The following SLC24A2 variants were observed in gnomAD, a reference collection of about 807,000 sequenced individuals.
SLC24A2 encodes the protein sodium/potassium/calcium exchanger 2.
In SLC24A2, 36 loss-of-function variants were observed where a neutral mutation model predicts 62.0. That is an observed-to-expected ratio of 0.58 (90% CI 0.44 to 0.77). SLC24A2 has a LOEUF of 0.77. SLC24A2 is among the 30% of genes least tolerant of loss of function. SLC24A2 has a pLI of 0.00. For missense variants in SLC24A2, 846 were observed against 817.9 expected, an observed-to-expected ratio of 1.03 and a Z score of -0.42; for synonymous variants, 358 against 294.0, an observed-to-expected ratio of 1.22 and a Z score of -2.23.
chr9:19,873,902 A>G, the SLC24A2 span, among the ~76,000 whole-genome samples: 1 of 152,132 alleles, frequency 6.6e-6, no homozygotes, highest in African/African-American at 2.4e-5. Flanking sequence ...TAAAAACAAC[A>G]CTTATTGGCT....
At chr9:19,824,258 T>G in the SLC24A2 span, among the ~76,000 whole-genome samples, 1 of 152,046 alleles carries the variant, frequency 6.6e-6, no homozygotes, top group Non-Finnish European at 1.5e-5. Flanking sequence ...GGGAGAAAAT[T>G]GTTGCAATCT....
the SLC24A2 span, among the ~76,000 whole-genome samples, chr9:20,298,453 T>C: frequency 6.6e-6 from 1 of 152,218 alleles, no homozygotes; most frequent in Non-Finnish European, 1.5e-5. Context: ...GGTCTTGAAC[T>C]CCTGACCTCA....
the SLC24A2 span, among the ~76,000 whole-genome samples, chr9:19,995,428 A>G: frequency 6.6e-6 from 1 of 152,092 alleles, no homozygotes; most frequent in Non-Finnish European, 1.5e-5. Flanking sequence ...ACAGAACTTT[A>G]TTCCCAGAGT....
At chr9:20,019,024 C>G in the SLC24A2 span, among the ~76,000 whole-genome samples, 1 of 149,372 alleles carries the variant, frequency 6.7e-6, no homozygotes, top group Non-Finnish European at 1.5e-5. Flanking sequence ...GATTATGCCA[C>G]AACACTCCTA....
At chr9:20,026,307 A>G in the SLC24A2 span, among the ~76,000 whole-genome samples, 80 of 152,364 alleles carry the variant, frequency 5.3e-4, no homozygotes, top group Admixed American at 3.9e-3. Context: ...GTTCCAGCCT[A>G]CAGGCCAGAT....
chr9:19,754,549 T>C (rs189764494), intron 2 of SLC24A2, among the ~76,000 whole-genome samples: 1 of 152,270 alleles, frequency 6.6e-6, no homozygotes, highest in African/African-American at 2.4e-5. Context: ...AGGGTTTATT[T>C]AGGTTCAGCC....
the SLC24A2 span, among the ~76,000 whole-genome samples, chr9:19,915,329 A>G: frequency 6.6e-6 from 1 of 152,220 alleles, no homozygotes; most frequent in South Asian, 2.1e-4. Context: ...TTATCCATTC[A>G]TCAATTGATA....
the SLC24A2 span, among the ~76,000 whole-genome samples, chr9:19,915,322 T>C: frequency 1.7e-3 from 265 of 152,324 alleles, no homozygotes; most frequent in African/African-American, 6.0e-3. Context: ...ATTTTGTTTA[T>C]CCATTCATCA....
chr9:20,014,893 A>G, the SLC24A2 span, among the ~76,000 whole-genome samples: 2 of 152,206 alleles, frequency 1.3e-5, no homozygotes, highest in Non-Finnish European at 2.9e-5. Flanking sequence ...ATGTCTCACC[A>G]TAAGAAATGA....
the SLC24A2 span, among the ~76,000 whole-genome samples, chr9:19,964,011 C>T: frequency 1.3e-5 from 2 of 152,050 alleles, no homozygotes; most frequent in African/African-American, 4.8e-5. Flanking sequence ...AAATGTGGCA[C>T]ATATACACCA....
the SLC24A2 span, among the ~76,000 whole-genome samples, chr9:19,960,495 T>G: frequency 2.7e-3 from 404 of 152,350 alleles, 2 homozygotes; most frequent in Non-Finnish European, 1.8e-3. Flanking sequence ...CTTGTGAGAC[T>G]GGAACCTTGG....
the SLC24A2 span, among the ~76,000 whole-genome samples, chr9:20,079,430 T>C: frequency 2.6e-5 from 4 of 152,212 alleles, no homozygotes; most frequent in African/African-American, 9.6e-5. Context: ...TAAACATACA[T>C]ATGCCTTGCT....
the SLC24A2 span, among the ~76,000 whole-genome samples, chr9:19,906,027 C>G: frequency 6.1e-4 from 93 of 152,266 alleles, 3 homozygotes; most frequent in South Asian, 0.018. Flanking sequence ...AATATACATT[C>G]TTTTCAGCAC....
the SLC24A2 span, among the ~76,000 whole-genome samples, chr9:20,066,261 G>A: frequency 6.6e-6 from 1 of 152,160 alleles, no homozygotes; most frequent in African/African-American, 2.4e-5. Flanking sequence ...ATAGCACTGC[G>A]GTTTCATTTC....
the SLC24A2 span, among the ~76,000 whole-genome samples, chr9:20,026,642 CTTATCTTATTCTT>C: frequency 1.3e-5 from 2 of 152,040 alleles, no homozygotes; most frequent in Non-Finnish European, 2.9e-5. Context: ...TGAAATCAGA[CTTATCTTATTCTT>C]AACATATTAA....
chr9:19,813,533 G>C, the SLC24A2 span, among the ~76,000 whole-genome samples: 1 of 151,762 alleles, frequency 6.6e-6, no homozygotes, highest in Non-Finnish European at 1.5e-5. Context: ...TGGCCAGGCT[G>C]GTCTCAAACT....
chr9:19,653,953 G>A (rs1818871017), intron 2 of SLC24A2, among the ~76,000 whole-genome samples: 2 of 152,052 alleles, frequency 1.3e-5, no homozygotes, highest in African/African-American at 2.4e-5. Context: ...ATTTACATAC[G>A]AGTCACTCAT....
chr9:20,044,493 C>T, the SLC24A2 span, among the ~76,000 whole-genome samples: 14 of 152,122 alleles, frequency 9.2e-5, no homozygotes, highest in Non-Finnish European at 1.8e-4. Flanking sequence ...GGGTTGTGCT[C>T]ATGGCTGTGG....
chr9:20,097,660 T>C, the SLC24A2 span, among the ~76,000 whole-genome samples: 1 of 149,964 alleles, frequency 6.7e-6, no homozygotes, highest in Non-Finnish European at 1.5e-5. Flanking sequence ...AGTCCCAATG[T>C]GGTTGCTGAC....
Sources: allele counts gnomAD v4.1 joint callset (sites outside exome capture counted in the v4.1 genomes callset), GRCh38; gene constraint gnomAD v4.1.1; transcripts MANE v1.5; gene names NCBI Gene and HGNC (gene_info 2026-07-23, HGNC 2026-07-21).